VEGFC: variants seen among roughly 807,000 people sequenced by gnomAD.
VEGFC encodes the protein FLT4 ligand DHM.
In VEGFC, 12 loss-of-function variants were observed where a neutral mutation model predicts 46.1. The ratio of observed to expected loss-of-function variants is 0.26; its 90% CI spans 0.17 to 0.42. VEGFC has a LOEUF of 0.42. Ranked by LOEUF, VEGFC falls within the 10% of genes least tolerant of loss-of-function variation. The pLI, the probability that VEGFC is intolerant of heterozygous loss-of-function variation, is 1.00. For synonymous variants in VEGFC, 232 were observed against 195.5 expected, an observed-to-expected ratio of 1.19 and a Z score of -1.56; for missense variants, 488 against 529.4, an observed-to-expected ratio of 0.92 and a Z score of 0.77.
chr4:176,711,953 A>C (rs1489700012), intron 3 of VEGFC, among the ~76,000 whole-genome samples: 1 of 152,176 alleles, frequency 6.6e-6, no homozygotes, highest in African/African-American at 2.4e-5. Context: ...GTGTTCAAGA[A>C]AAAAGAACTG....
At chr4:176,752,647 A>C (rs909710352) in intron 1 of VEGFC, among the ~76,000 whole-genome samples, 2 of 152,130 alleles carry the variant, frequency 1.3e-5, no homozygotes, top group African/African-American at 4.8e-5. Flanking sequence ...GTAAATGTGC[A>C]CATGTACATG....
intron 3 of VEGFC, among the ~76,000 whole-genome samples, chr4:176,723,658 T>C (rs906786223): frequency 4.0e-5 from 6 of 150,104 alleles, no homozygotes; most frequent in Middle Eastern, 3.3e-3. Context: ...GGTAAACTTT[T>C]ATTTTAGGTT....
At chr4:176,790,828 CAG>C (rs1736077638) in intron 1 of VEGFC, among the ~76,000 whole-genome samples, 1 of 152,154 alleles carries the variant, frequency 6.6e-6, no homozygotes, top group African/African-American at 2.4e-5. Flanking sequence ...TATTTAAGAA[CAG>C]AAAGATATTT....
At chr4:176,692,856 A>T (rs1181827520) in intron 4 of VEGFC, among the ~76,000 whole-genome samples, 1 of 146,438 alleles carries the variant, frequency 6.8e-6, no homozygotes, top group Non-Finnish European at 1.5e-5. Flanking sequence ...GGCACCCCCC[A>T]GCAGGGGCAC....
intron 1 of VEGFC, among the ~76,000 whole-genome samples, chr4:176,754,889 GA>G (rs1735406175): frequency 6.6e-6 from 1 of 151,926 alleles, no homozygotes; most frequent in African/African-American, 2.4e-5. Context: ...GTCCTAAAGA[GA>G]ACTGTTATAT....
At chr4:176,733,100 T>TAA (rs1734995569) in intron 1 of VEGFC, among the ~76,000 whole-genome samples, 1 of 151,806 alleles carries the variant, frequency 6.6e-6, no homozygotes, top group Non-Finnish European at 1.5e-5. Flanking sequence ...TGGATAAAAT[T>TAA]AAAAATACAA....
At chr4:176,708,203 T>C (rs1360049561) in intron 4 of VEGFC, among the ~76,000 whole-genome samples, 1 of 151,624 alleles carries the variant, frequency 6.6e-6, no homozygotes, top group African/African-American at 2.4e-5. Flanking sequence ...TATATTTGTA[T>C]TATATATTCA....
intron 1 of VEGFC, among the ~76,000 whole-genome samples, chr4:176,740,414 ATTC>A (rs1735148833): frequency 2.1e-5 from 2 of 93,528 alleles, no homozygotes; most frequent in Non-Finnish European, 3.9e-5. Context: ...AGTTATATAT[ATTC>A]TATATATAGT....
intron 1 of VEGFC, among the ~76,000 whole-genome samples, chr4:176,760,713 C>T (rs1375010690): frequency 6.6e-6 from 1 of 152,138 alleles, no homozygotes; most frequent in Non-Finnish European, 1.5e-5. Context: ...TTTCTCTAGC[C>T]AATTTTTCCC....
At chr4:176,747,729 C>T (rs1735280952) in intron 1 of VEGFC, among the ~76,000 whole-genome samples, 1 of 152,038 alleles carries the variant, frequency 6.6e-6, no homozygotes, top group African/African-American at 2.4e-5. Context: ...AGGTTCAAGG[C>T]TGCAGTGAGC....
chr4:176,690,741 A>AGTC (rs1734161592), intron 4 of VEGFC, among the ~76,000 whole-genome samples: 1 of 135,840 alleles, frequency 7.4e-6, no homozygotes, highest in African/African-American at 3.5e-5. Context: ...TGAAACTCAT[A>AGTC]ATCTTCTATA....
rs79783198 is a variant in VEGFC at position 176,754,838 on chromosome 4, T to C, written c.148-25092A>G. On this transcript the variant is annotated intron_variant, in intron 1 of 6. Transcript: ENST00000618562. ...CAGTGTGAAGTGGGATGAATAAACA[T>C]AGGAAAATATTTAAAAGTTTCTTAG... Among the ~76,000 whole-genome samples, 351 of 152,128 alleles carry C rather than the reference T, an allele frequency of 2.3e-3. 12 individuals are homozygous for C. The East Asian group carries it at 0.056, about 24-fold the overall frequency.
At chr4:176,761,597 T>C (rs1329294543) in intron 1 of VEGFC, among the ~76,000 whole-genome samples, 1 of 152,148 alleles carries the variant, frequency 6.6e-6, no homozygotes, top group African/African-American at 2.4e-5. Context: ...TTACAGTAAT[T>C]TGTAATGTTG....
chr4:176,718,120 G>T (rs1489437678), intron 3 of VEGFC, among the ~76,000 whole-genome samples: 1 of 152,122 alleles, frequency 6.6e-6, no homozygotes, highest in Admixed American at 6.5e-5. Flanking sequence ...TTTCACAGAT[G>T]CATTAATTAT....
chr4:176,725,101 G>GT (rs1245304003), intron 3 of VEGFC, among the ~76,000 whole-genome samples: 1 of 152,164 alleles, frequency 6.6e-6, no homozygotes, highest in Non-Finnish European at 1.5e-5. Context: ...AAAGATAAAT[G>GT]TTTGAGATGA....
chr4:176,686,047 T>A (rs1251613982), intron 6 of VEGFC, among the ~76,000 whole-genome samples: 1 of 152,172 alleles, frequency 6.6e-6, no homozygotes, highest in Non-Finnish European at 1.5e-5. Context: ...AAGAACATTA[T>A]CTACCCATAT....
rs9997669 is a variant in VEGFC at position 176,783,892 on chromosome 4, T to C, written c.147+8273A>G. On this transcript the variant is annotated intron_variant, in intron 1 of 6. Coordinates refer to ENST00000618562, the MANE Select transcript of VEGFC (RefSeq NM_005429.5). ...TAATTTTAAAAATTTAATAAATTAGTTGCAAGGTGCTGAAGAATCACAGTT... is the reference window on the plus strand; with the variant it reads ...TAATTTTAAAAATTTAATAAATTAGCTGCAAGGTGCTGAAGAATCACAGTT... Among the ~76,000 whole-genome samples the C allele has an allele frequency of 3.4e-3, 514 of 152,286 alleles. 3 individuals carry two copies. The highest frequency in any genetic ancestry group is 0.012 in the African/African-American group (490 of 41,568).
chr4:176,724,726 A>G (rs769965245), intron 3 of VEGFC, among the ~76,000 whole-genome samples: 2 of 152,208 alleles, frequency 1.3e-5, no homozygotes, highest in African/African-American at 2.4e-5. Context: ...GAGAAAGTCT[A>G]GAGCACTGGA....
At chr4:176,737,184 T>A (rs1214643176) in intron 1 of VEGFC, among the ~76,000 whole-genome samples, 1 of 149,504 alleles carries the variant, frequency 6.7e-6, no homozygotes, top group African/African-American at 2.4e-5. Context: ...TAAAAATTAG[T>A]TCATTGAAGG....
Sources: allele counts gnomAD v4.1 joint callset (sites outside exome capture counted in the v4.1 genomes callset), GRCh38; gene constraint gnomAD v4.1.1; transcripts MANE v1.5; gene names NCBI Gene and HGNC (gene_info 2026-07-23, HGNC 2026-07-21).